Variants in ARAP1 observed in about 807,000 individuals in gnomAD.
The protein encoded by ARAP1 is ArfGAP with RhoGAP domain, ankyrin repeat and PH domain 1.
ARAP1 carries 76 observed loss-of-function variants against 172.2 expected under a neutral mutation model. The ratio of observed to expected loss-of-function variants is 0.44; its 90% CI spans 0.37 to 0.53. The LOEUF is 0.53. Among genes scored for constraint, ARAP1 ranks in the 20% least tolerant of loss-of-function variants. The pLI is 0.00. For synonymous variants in ARAP1, 804 were observed against 803.3 expected (o/e 1.00, Z -0.01); for missense variants, 1,686 against 1,977.5 (o/e 0.85, Z 2.80).
chr11:72,734,500 T>C lies in ARAP1; in HGVS notation c.-127-1903A>G, dbSNP rs1464269542. Among the ~76,000 whole-genome samples, 4 of 152,218 alleles carry C rather than the reference T, an allele frequency of 2.6e-5. No homozygotes were observed. The East Asian group carries it at 7.7e-4, about 29-fold the overall frequency. ...GCATTGGCAAAAATGGCAGTGCTAC[T>C]CAAACGACAATTTGAAACAAGAAAA... is the stretch of plus-strand genomic sequence containing the variant. On this transcript the variant is annotated intron_variant, in intron 1 of 34. Coordinates refer to ENST00000393609, the MANE Select transcript of ARAP1 (RefSeq NM_001040118.3).
chr11:72,696,648 T>C lies in ARAP1; in HGVS notation c.3173A>G (p.Glu1058Gly). Residue 1058 changes from glutamate to glycine, a missense_variant, in exon 23 of 35, where the codon GAG becomes GGG. Physicochemically the swap from Glu to Gly is moderately conservative, Grantham distance 98. Transcript: ENST00000393609. ...CCTGGAGACCTTCTCCTCCTCGTCC[T>C]CAATCTCTGGGTGGGAAAGATAAAT... ...RLTWLEASEI[E>G]DEEEKVSRYR... is the part of the protein sequence containing the mutation. 1 of 1,591,588 alleles carries C rather than the reference T, an allele frequency of 6.3e-7. No homozygotes were observed.
chr11:72,720,099 C>G (rs760159117), intron 3 of ARAP1, among the ~76,000 whole-genome samples: 1 of 152,146 alleles, frequency 6.6e-6, no homozygotes, highest in Non-Finnish European at 1.5e-5. Context: ...ACCACCTCCC[C>G]ACAAGATGTC....
chr11:72,690,417 T>G (rs1855889606), intron 30 of ARAP1, among the ~76,000 whole-genome samples: 1 of 152,156 alleles, frequency 6.6e-6, no homozygotes, highest in South Asian at 2.1e-4. Context: ...AATCTCCTTT[T>G]GAGAATGAAT....
At chr11:72,706,054 C>T (rs546327668) in intron 12 of ARAP1, among the ~76,000 whole-genome samples, 164 bp from the exon 13 acceptor site, 8 of 152,290 alleles carry the variant, frequency 5.3e-5, no homozygotes, top group South Asian at 4.1e-4. Flanking sequence ...ACTCTTGCTC[C>T]CCACAGGGCA....
Position 72,693,049 on chromosome 11 carries a change from C to T in ARAP1, c.3955-264G>A. On this transcript the variant is annotated intron_variant, in intron 29 of 34. Coordinates refer to ENST00000393609, the MANE Select transcript of ARAP1 (RefSeq NM_001040118.3). This position sits in a 1 kb window ranked among gnomAD's most constrained non-coding sequence, Gnocchi z 4.6. The stretch of plus-strand genomic sequence containing the variant: ...ATCAAGTAACAGGTTCCTGTGGATG[C>T]AGTGATAAGGCACAGGCACAGTGAG... The T allele has an allele frequency of 1.6e-6, 1 of 641,606 alleles. No homozygotes were observed. The highest frequency in any genetic ancestry group is 2.7e-5 in the East Asian group (1 of 36,462). 39.7% of individuals were successfully genotyped at this position (641,606 alleles called of 1,614,324 possible). A position where few individuals can be genotyped will look rare whatever the true frequency, so the allele number is the denominator to read the frequency against.
rs1194870295 is a variant in ARAP1, at chr11:72,711,091, A to G, written c.1143T>C (p.Ala381=). The change falls in exon 9 of 35, where the codon GCT becomes GCC. Residue 381 remains alanine, a synonymous_variant. Transcript: ENST00000393609. ...CTTCAAACTTCTGGTCCCCGATGGC[A>G]GCCACGTGGGAGATGCAGGCCACAG... ...FISVACISHV[A]AIGDQKFEVI... 6.2e-7 allele frequency: 1 copy of G among 1,614,190 alleles called. No homozygotes were observed. The highest frequency in any genetic ancestry group is 8.5e-7 in the Non-Finnish European group (1 of 1,180,042).
chr11:72,719,609 C>T (rs1857423535), intron 3 of ARAP1, among the ~76,000 whole-genome samples: 1 of 152,248 alleles, frequency 6.6e-6, no homozygotes, highest in Admixed American at 6.5e-5. Context: ...CAGGAACCAG[C>T]TTCATAGCCT....
chr11:72,724,659 G>C (rs1400611404), intron 3 of ARAP1, among the ~76,000 whole-genome samples: 1 of 152,142 alleles, frequency 6.6e-6, no homozygotes, highest in African/African-American at 2.4e-5. Context: ...CACTCTCTGA[G>C]TTGAGTGTGT....
At chr11:72,698,916 C>A in intron 18 of ARAP1, 89 bp downstream of exon 18, 1 of 1,345,980 alleles carries the variant, frequency 7.4e-7, no homozygotes. Flanking sequence ...GCTCTCTAGA[C>A]GGGGGAGCTG....
At chr11:72,696,478 G>A (rs1591179699) in intron 23 of ARAP1, 71 bp downstream of exon 23, 1 of 1,298,498 alleles carries the variant, frequency 7.7e-7, no homozygotes, top group Non-Finnish European at 1.0e-6. Context: ...GAGGAGGGTA[G>A]TCAGCCAGGG....
intron 12 of ARAP1, among the ~76,000 whole-genome samples, chr11:72,706,757 G>T (rs2135530447): frequency 6.6e-6 from 1 of 152,198 alleles, no homozygotes; most frequent in African/African-American, 2.4e-5. Context: ...ATCTGACCAT[G>T]TCCCCGCCTC....
At position 72,743,307 on chromosome 11, in the gene ARAP1, T is replaced by C. The variant is rs571257402; in HGVS notation, c.-128+9021A>G. Among the ~76,000 whole-genome samples, 33 of 152,302 alleles carry C rather than the reference T, an allele frequency of 2.2e-4. No individual in the cohort carries two copies. In the East Asian group the frequency reaches 3.9e-3, roughly 18 times the overall value. ...GCTTGCAGGCATATTGAGCAGGCACTCAATATGTGGCACCTTCCAGTGTTT... is the reference window on the plus strand; with the variant it reads ...GCTTGCAGGCATATTGAGCAGGCACCCAATATGTGGCACCTTCCAGTGTTT... On this transcript the variant is annotated intron_variant, in intron 1 of 34. Transcript: ENST00000393609.
intron 1 of ARAP1, among the ~76,000 whole-genome samples, chr11:72,747,528 T>G (rs990507065): frequency 3.3e-5 from 5 of 152,108 alleles, no homozygotes; most frequent in Admixed American, 3.3e-4. Context: ...AGCTCAACAC[T>G]TCAGGAAGCC....
At chr11:72,694,958 G>A (rs772683079) in intron 27 of ARAP1, 22 bp downstream of exon 27, 1 of 1,604,526 alleles carries the variant, frequency 6.2e-7, no homozygotes, top group African/African-American at 1.3e-5. Context: ...ACCACACCCT[G>A]CACAAGCCCA....
chr11:72,688,604 C>A, intron 30 of ARAP1, 67 bp from the exon 31 acceptor site: 2 of 1,359,222 alleles, frequency 1.5e-6, no homozygotes, highest in Admixed American at 3.9e-5. Flanking sequence ...GCTCTCCCGA[C>A]TGGGCAGCTC....
rs1350649541 is a variant in ARAP1 at position 72,701,727 on chromosome 11, G to T, written c.2224C>A (p.Pro742Thr). Reference sequence around the variant, plus strand: ...AGGAAGCCACTGTGGCTCACGGTCGGCAGGACAACTGAGTAGTGCTTTTCC... The same window carrying T: ...AGGAAGCCACTGTGGCTCACGGTCGTCAGGACAACTGAGTAGTGCTTTTCC... ...PLEKHYSVVL[P>T]TVSHSGFLYK... The change falls in exon 16 of 35, where the codon CCG becomes ACG. Residue 742 changes from proline (P) to threonine (T), a missense_variant. Transcript: ENST00000393609. The T allele has an allele frequency of 1.2e-6, 2 of 1,613,994 alleles. No individual in the cohort carries two copies. The highest frequency in any genetic ancestry group is 1.7e-6 in the Non-Finnish European group (2 of 1,179,918).
At position 72,705,908 on chromosome 11, in the gene ARAP1, G is replaced by C. The variant is rs1296726372; in HGVS notation, c.1724-18C>G. On this transcript the variant is annotated intron_variant, in intron 12 of 34. Transcript: ENST00000393609. ...GTGCTCCCCTGTAGACACAGGGCCA[G>C]ACCCAGAATCACCTGGGCCCCCCCT... The C allele has an allele frequency of 6.2e-7, 1 of 1,613,206 alleles. No individual in the cohort carries two copies. Among genetic ancestry groups the C allele is most frequent in the Non-Finnish European group, 8.5e-7 (1 of 1,179,474 alleles).
intron 3 of ARAP1, chr11:72,721,821 A>G: frequency 1.0e-6 from 1 of 985,830 alleles, no homozygotes; most frequent in Non-Finnish European, 1.2e-6. Context: ...GCCCAACAGC[A>G]ACAACAGCAA....
chr11:72,709,128 A>C (rs1443534366), intron 11 of ARAP1, among the ~76,000 whole-genome samples: 1 of 152,012 alleles, frequency 6.6e-6, no homozygotes, highest in Non-Finnish European at 1.5e-5. Context: ...CAGGGAGCTG[A>C]AAAGGGGAGA....
Sources: gnomAD v4.1 joint callset for allele counts (sites outside exome capture counted in the v4.1 genomes callset) on GRCh38, gnomAD v4.1.1 for gene constraint, Gnocchi (gnomAD v3.1) non-coding constraint, MANE v1.5 for transcripts, NCBI Gene and HGNC (gene_info 2026-07-23, HGNC 2026-07-21) for gene names.